Variants in WASF1 observed in about 807,000 individuals in gnomAD.
WASF1 encodes the protein WASP family member 1, also known as actin-binding protein WASF1.
A neutral mutation model predicts 50.5 loss-of-function variants in WASF1; 7 were observed. The observed-to-expected ratio is 0.14, with a 90% CI of 0.08 to 0.26. WASF1 has a LOEUF of 0.26. Ranked by LOEUF, WASF1 falls within the 10% of genes least tolerant of loss-of-function variation. The pLI is 1.00. For synonymous variants in WASF1, 205 were observed against 244.0 expected (o/e 0.84, Z 1.49); for missense variants, 470 against 694.7 (o/e 0.68, Z 3.64).
rs547982345 is a variant in WASF1 at position 110,105,802 on chromosome 6, A to C, written c.541-223T>G. On this transcript the variant is annotated intron_variant, in intron 7 of 10. Transcript: ENST00000392589. Reference sequence around the variant, plus strand: ...CATGTTTTGTTTAACCCCTAATTTGAACTGATGCACCAGACACAAAACAGT... The same window carrying C: ...CATGTTTTGTTTAACCCCTAATTTGCACTGATGCACCAGACACAAAACAGT... Among the ~76,000 whole-genome samples, 5 of 152,300 alleles carry C rather than the reference A, an allele frequency of 3.3e-5. No individual in the cohort carries two copies. In the South Asian group the frequency reaches 8.3e-4, roughly 25 times the overall value.
intron 4 of WASF1, among the ~76,000 whole-genome samples, chr6:110,126,695 T>G (rs1182924995): frequency 6.6e-6 from 1 of 152,232 alleles, no homozygotes; most frequent in Non-Finnish European, 1.5e-5. Flanking sequence ...CAATGTCTTA[T>G]GAAAAAGCTA....
intron 4 of WASF1, among the ~76,000 whole-genome samples, chr6:110,115,143 A>G (rs926499645): frequency 1.3e-5 from 2 of 151,934 alleles, no homozygotes; most frequent in African/African-American, 4.8e-5. Context: ...AGAAAAAGAA[A>G]AAAATTGAGT....
At chr6:110,103,683 T>G in intron 8 of WASF1, 126 bp from the exon 9 acceptor site, 1 of 861,414 alleles carries the variant, frequency 1.2e-6, no homozygotes, top group Non-Finnish European at 1.7e-6. Flanking sequence ...TTTAAGAAAC[T>G]TTCAGAAATG....
At chr6:110,154,085 G>C (rs1775947023) in intron 3 of WASF1, among the ~76,000 whole-genome samples, 1 of 152,058 alleles carries the variant, frequency 6.6e-6, no homozygotes, top group Non-Finnish European at 1.5e-5. Context: ...TTCTATATCT[G>C]AAACCATGTT....
Position 110,100,573 on chromosome 6 carries a change from A to G in WASF1, c.1629T>C (p.Tyr543=), listed in dbSNP as rs1394204715. The G allele has an allele frequency of 2.5e-6, 4 of 1,613,610 alleles. No homozygotes were observed. Among genetic ancestry groups the G allele is most frequent in the Admixed American group, 3.3e-5 (2 of 59,940 alleles). Residue 543 remains tyrosine, a synonymous_variant, in exon 11 of 11, where the codon TAT becomes TAC. Transcript: ENST00000392589. ...ATTCTGAATCATCTTCCGAATCACT[A>G]TATTCAACAGCAATACGGCGAGACA... ...TILSRRIAVE[Y]SDSEDDSEFD...
Position 110,168,321 on chromosome 6 carries a change from T to C in WASF1, c.-126-7589A>G, listed in dbSNP as rs1776560117. ...CATTACCAAAAAATTTACATTTTAT[T>C]TTTAATGCTAATGAATGAAATTAAG... On this transcript the variant is annotated intron_variant, in intron 2 of 10. Transcript: ENST00000392589. Among the ~76,000 whole-genome samples, 3 of 152,230 alleles carry C rather than the reference T, an allele frequency of 2.0e-5. No individual in the cohort carries two copies. The South Asian group carries it at 6.2e-4, about 32-fold the overall frequency.
At chr6:110,144,119 C>T (rs982351787) in intron 3 of WASF1, among the ~76,000 whole-genome samples, 9 of 152,206 alleles carry the variant, frequency 5.9e-5, no homozygotes, top group African/African-American at 2.2e-4. Context: ...TCCTCTCCAG[C>T]ACCTGTTGTT....
chr6:110,138,028 TGCGCA>T (rs1264775346), intron 3 of WASF1, among the ~76,000 whole-genome samples: 2 of 152,210 alleles, frequency 1.3e-5, no homozygotes, highest in Non-Finnish European at 2.9e-5. Context: ...CCTGGCAGGC[TGCGCA>T]GCTCATACTA....
chr6:110,115,209 GA>G (rs752070822), intron 4 of WASF1, among the ~76,000 whole-genome samples: 20 of 139,164 alleles, frequency 1.4e-4, no homozygotes, highest in Middle Eastern at 3.9e-3. Flanking sequence ...TCCTATTCCA[GA>G]AAAAAAAAAA....
chr6:110,144,361 T>C (rs990775861), intron 3 of WASF1, among the ~76,000 whole-genome samples: 2 of 152,214 alleles, frequency 1.3e-5, no homozygotes, highest in Non-Finnish European at 2.9e-5. Flanking sequence ...TTCTGGATAT[T>C]AGCCCTTTGT....
intron 3 of WASF1, among the ~76,000 whole-genome samples, chr6:110,135,888 T>G (rs941824161): frequency 2.2e-5 from 3 of 134,188 alleles, no homozygotes; most frequent in African/African-American, 8.5e-5. Context: ...TTTTTTTTTT[T>G]TTTTTTTTTT....
rs1190282492 is a variant in WASF1 at position 110,179,570 on chromosome 6, C to G, written c.-403G>C. 1 of 152,072 alleles carries G rather than the reference C, an allele frequency of 6.6e-6. No homozygotes were observed. The highest frequency in any genetic ancestry group is 1.5e-5 in the Non-Finnish European group (1 of 68,018). 9.4% of individuals were successfully genotyped at this position (152,072 alleles called of 1,614,324 possible). On this transcript the variant is annotated 5_prime_UTR_variant, in exon 1 of 11. Coordinates refer to ENST00000392589, the MANE Select transcript of WASF1 (RefSeq NM_003931.3). The stretch of plus-strand genomic sequence containing the variant: ...GCTCTGGGGCGGAACCCGCTCAGGG[C>G]AGCGGCCCAGGCGCCAGGCCACAGG...
chr6:110,139,442 G>A (rs570630092), intron 3 of WASF1, among the ~76,000 whole-genome samples: 4 of 152,326 alleles, frequency 2.6e-5, no homozygotes, highest in East Asian at 1.9e-4. Context: ...TGCTACATAC[G>A]GGCTGCTGCC....
chr6:110,138,094 G>A (rs1219695247), intron 3 of WASF1, among the ~76,000 whole-genome samples: 1 of 152,258 alleles, frequency 6.6e-6, no homozygotes, highest in African/African-American at 2.4e-5. Context: ...GGAGTGGCAA[G>A]GGGTGTGTAA....
chr6:110,162,808 T>C (rs1392126698), intron 2 of WASF1, among the ~76,000 whole-genome samples: 3 of 151,784 alleles, frequency 2.0e-5, no homozygotes, highest in African/African-American at 7.2e-5. Flanking sequence ...AACATCATAC[T>C]TAATGGCAAG....
intron 4 of WASF1, among the ~76,000 whole-genome samples, chr6:110,123,766 G>A (rs933806263): frequency 3.3e-5 from 5 of 152,130 alleles, no homozygotes; most frequent in African/African-American, 9.7e-5. Flanking sequence ...GATAAGGGAA[G>A]CATCCCAAAT....
At chr6:110,115,075 T>G (rs1773737445) in intron 4 of WASF1, among the ~76,000 whole-genome samples, 1 of 146,456 alleles carries the variant, frequency 6.8e-6, no homozygotes. Context: ...CCAGCCTGGG[T>G]GACAAAGTGA....
At chr6:110,149,313 C>CTG in intron 3 of WASF1, among the ~76,000 whole-genome samples, 1 of 151,898 alleles carries the variant, frequency 6.6e-6, no homozygotes, top group African/African-American at 2.4e-5. Context: ...CTTTGTTCGC[C>CTG]TACATCGTTG....
chr6:110,171,006 C>A (rs1162637128), intron 2 of WASF1, among the ~76,000 whole-genome samples: 1 of 152,144 alleles, frequency 6.6e-6, no homozygotes, highest in Admixed American at 6.5e-5. Flanking sequence ...ATATCAACAT[C>A]CTTCTATCGG....
Sources: allele counts gnomAD v4.1 joint callset (sites outside exome capture counted in the v4.1 genomes callset), GRCh38; gene constraint gnomAD v4.1.1; transcripts MANE v1.5; gene names NCBI Gene and HGNC (gene_info 2026-07-23, HGNC 2026-07-21).